The following FAM81B variants were observed in gnomAD, a reference collection of about 807,000 sequenced individuals.
The protein encoded by FAM81B is protein FAM81B.
A neutral mutation model predicts 58.7 loss-of-function variants in FAM81B; 60 were observed. That is an observed-to-expected ratio of 1.02 (90% confidence interval 0.83 to 1.27). FAM81B has a LOEUF of 1.27. Among genes scored for constraint, FAM81B ranks in the 50% most tolerant of loss-of-function variants. The probability of loss-of-function intolerance (pLI) is 0.00; values close to 1 mark genes in which losing one functional copy is unlikely to be tolerated. For synonymous variants in FAM81B, 189 were observed against 179.6 expected, an observed-to-expected ratio of 1.05 and a Z score of -0.42; for missense variants, 491 against 522.0, an observed-to-expected ratio of 0.94 and a Z score of 0.58.
At chr5:95,415,436 C>T (rs1236795257) in intron 4 of FAM81B, among the ~76,000 whole-genome samples, 1 of 152,124 alleles carries the variant, frequency 6.6e-6, no homozygotes, top group African/African-American at 2.4e-5. Context: ...TTAACAGACC[C>T]CATAATGTAC....
chr5:95,407,912 T>C (rs1243676497), intron 3 of FAM81B, among the ~76,000 whole-genome samples: 1 of 152,178 alleles, frequency 6.6e-6, no homozygotes, highest in African/African-American at 2.4e-5. Context: ...CAGCGAATAT[T>C]TATCTCACAG....
chr5:95,417,267 A>C (rs1381908549), intron 4 of FAM81B, among the ~76,000 whole-genome samples: 1 of 152,202 alleles, frequency 6.6e-6, no homozygotes, highest in Non-Finnish European at 1.5e-5. Flanking sequence ...CAGAATTGAA[A>C]TTTATCACTT....
intron 7 of FAM81B, among the ~76,000 whole-genome samples, chr5:95,442,280 C>T (rs1201564831): frequency 6.6e-6 from 1 of 152,048 alleles, no homozygotes; most frequent in Non-Finnish European, 1.5e-5. Context: ...AAGCTAAACA[C>T]AGGAAAAGTA....
chr5:95,408,365 T>G (rs1011088890), intron 3 of FAM81B, among the ~76,000 whole-genome samples: 25 of 152,364 alleles, frequency 1.6e-4, no homozygotes, highest in African/African-American at 5.8e-4. Context: ...TCGTTGAACT[T>G]CTGACTCTTT....
chr5:95,405,514 G>A (rs925891804), intron 3 of FAM81B, among the ~76,000 whole-genome samples: 2 of 151,540 alleles, frequency 1.3e-5, no homozygotes, highest in African/African-American at 4.8e-5. Context: ...ATCTTCTGTT[G>A]TCTTCTCTCT....
chr5:95,410,616 A>C (rs1762380765), intron 3 of FAM81B: 1 of 152,220 alleles, frequency 6.6e-6, no homozygotes, highest in Non-Finnish European at 1.5e-5. Flanking sequence ...CATTTTTAAA[A>C]GATATATACT....
intron 6 of FAM81B, among the ~76,000 whole-genome samples, chr5:95,434,766 A>G (rs1326270527): frequency 6.6e-6 from 1 of 152,230 alleles, no homozygotes; most frequent in East Asian, 1.9e-4. Flanking sequence ...AAAATATTTA[A>G]TGCCACAAAT....
chr5:95,442,467 A>T (rs1327185549), intron 7 of FAM81B, among the ~76,000 whole-genome samples: 3 of 152,214 alleles, frequency 2.0e-5, no homozygotes, highest in Non-Finnish European at 4.4e-5. Context: ...AAAATCATGG[A>T]GATTAATTTG....
intron 5 of FAM81B, among the ~76,000 whole-genome samples, chr5:95,426,638 G>T (rs151296393): frequency 1.1e-3 from 166 of 152,272 alleles, no homozygotes; most frequent in African/African-American, 3.8e-3. Flanking sequence ...TGTCAATCAC[G>T]TGTTTCTGGC....
intron 3 of FAM81B, chr5:95,410,843 G>A (rs1762386901): frequency 6.6e-6 from 1 of 152,106 alleles, no homozygotes; most frequent in South Asian, 2.1e-4. Flanking sequence ...TAAGTTACAG[G>A]TGACCTAGAG....
At chr5:95,448,744 T>C (rs1282360228) in intron 9 of FAM81B, 1 of 479,580 alleles carries the variant, frequency 2.1e-6, no homozygotes, top group East Asian at 5.3e-5. Flanking sequence ...TACTAATTCA[T>C]GGAATTGTCA....
intron 3 of FAM81B, among the ~76,000 whole-genome samples, chr5:95,398,306 C>T (rs761403350): frequency 2.0e-5 from 3 of 152,010 alleles, no homozygotes; most frequent in Non-Finnish European, 4.4e-5. Context: ...GTAATCCCAG[C>T]TACTCGAGAG....
chr5:95,449,344 T>C (rs1022076500), intron 9 of FAM81B, among the ~76,000 whole-genome samples: 2 of 152,162 alleles, frequency 1.3e-5, no homozygotes, highest in African/African-American at 4.8e-5. Context: ...AAATAATGAA[T>C]TATCTGGCCA....
At chr5:95,428,834 C>G (rs921686950) in intron 6 of FAM81B, 102 bp downstream of exon 6, 2 of 1,490,038 alleles carry the variant, frequency 1.3e-6, no homozygotes, top group African/African-American at 2.8e-5. Flanking sequence ...TTTAAGAGAA[C>G]TCTTTTCTTC....
intron 3 of FAM81B, 145 bp downstream of exon 3, chr5:95,396,320 A>G: frequency 1.7e-6 from 1 of 601,018 alleles, no homozygotes; most frequent in African/African-American, 1.9e-5. Flanking sequence ...CTCTGCATTC[A>G]GAAGAGATTA....
intron 4 of FAM81B, among the ~76,000 whole-genome samples, chr5:95,416,235 A>T (rs1288723525): frequency 6.6e-6 from 1 of 152,232 alleles, no homozygotes; most frequent in Non-Finnish European, 1.5e-5. Context: ...AAAAGAACCT[A>T]ACCTCATTAA....
In FAM81B at chr5:95,446,702, G is replaced by A. The variant is rs750013111; in HGVS notation, c.1029+5G>A. On this transcript the variant is annotated splice_donor_5th_base_variant and intron_variant, in intron 8 of 9. Transcript: ENST00000283357. ...AAGGTCCTACAGGAGAAACTGGTGA[G>A]GAGTTCTGTTATTTTGTGAAGCAAG... 3 of 1,610,456 alleles carry A rather than the reference G, an allele frequency of 1.9e-6. No homozygotes were observed. The Admixed American group carries it at 5.1e-5, about 27-fold the overall frequency.
chr5:95,425,349 A>C (rs1762796658), intron 5 of FAM81B, among the ~76,000 whole-genome samples: 2 of 152,234 alleles, frequency 1.3e-5, no homozygotes, highest in South Asian at 4.1e-4. Flanking sequence ...ACGAGCATCC[A>C]GGTAGACAAA....
intron 3 of FAM81B, among the ~76,000 whole-genome samples, chr5:95,411,119 T>A (rs1434820361): frequency 6.6e-6 from 1 of 152,138 alleles, no homozygotes; most frequent in African/African-American, 2.4e-5. Flanking sequence ...TGGTATAGGG[T>A]CAGAAATCAG....
Sources: gnomAD v4.1 joint callset for allele counts (sites outside exome capture counted in the v4.1 genomes callset) on GRCh38, gnomAD v4.1.1 for gene constraint, MANE v1.5 for transcripts, NCBI Gene and HGNC (gene_info 2026-07-23, HGNC 2026-07-21) for gene names.